PSG4: variants seen among roughly 807,000 people sequenced by gnomAD.
PSG4 encodes pregnancy specific beta-1-glycoprotein 4.
Under a neutral mutation model 44.3 loss-of-function variants are expected in PSG4, and 61 were observed. That is an observed-to-expected ratio of 1.38 (90% CI 1.12 to 1.70). The LOEUF (loss-of-function observed/expected upper bound fraction) is 1.70. Among genes scored for constraint, PSG4 ranks in the 40% most tolerant of loss-of-function variants. The pLI is 0.00. For missense variants in PSG4, 677 were observed against 511.7 expected (o/e 1.32, Z -3.12); for synonymous variants, 248 against 191.3 (o/e 1.30, Z -2.45).
At chr19:43,199,151 A>G (rs906459633) in intron 2 of PSG4, among the ~76,000 whole-genome samples, 4 of 146,120 alleles carry the variant, frequency 2.7e-5, no homozygotes, top group Non-Finnish European at 5.9e-5. Flanking sequence ...CTCATGGACC[A>G]TATGCGTTTG....
rs377642381 is a variant in PSG4 at position 43,194,530 on chromosome 19, G to C, written c.1053C>G (p.Tyr351Ter). ...GGTTAGACTCGGCGAAGCAGGACAA[G>C]TAGAGGTTTTCTCCTGAACGGTAAT... ...FTYYRSGENL[Y>*]LSCFAESNPR... Residue 351 changes from tyrosine to a stop codon, truncating the protein, a stop_gained, in exon 5 of 6, where the codon TAC becomes TAG. Transcript: ENST00000405312. LOFTEE classifies it high-confidence loss of function. The C allele has an allele frequency of 5.6e-6, 9 of 1,612,586 alleles. No individual in the cohort carries two copies. In the East Asian group the frequency reaches 1.6e-4, roughly 28 times the overall value.
At position 43,197,008 on chromosome 19, in the gene PSG4, C is replaced by G. The variant is rs571390026; in HGVS notation, c.709+989G>C. 9.5e-5 allele frequency among the ~76,000 whole-genome samples: 14 copies of G among 146,668 alleles called. 2 individuals are homozygous for G. The highest frequency in any genetic ancestry group is 3.6e-4 in the African/African-American group (14 of 38,638). ...CATATATTGATATCGTCTTTAATTT[C>G]TTTCAGCAATGTTTTGTAGTTTTCA... On this transcript the variant is annotated intron_variant, in intron 3 of 5. Coordinates refer to ENST00000405312, the MANE Select transcript of PSG4 (RefSeq NM_002780.5).
rs1176978405 is a variant in PSG4, at chr19:43,196,234, T to C, written c.710-961A>G. Reference sequence around the variant, plus strand: ...TTCATTGGACATTCTACTCTCTGATTCCCTGGGTTCGACTACTCTAGGGAC... The same window carrying C: ...TTCATTGGACATTCTACTCTCTGATCCCCTGGGTTCGACTACTCTAGGGAC... On this transcript the variant is annotated intron_variant, in intron 3 of 5. Transcript: ENST00000405312. Among the ~76,000 whole-genome samples, 70 of 150,076 alleles carry C rather than the reference T, an allele frequency of 4.7e-4. 3 individuals carry two copies. Among genetic ancestry groups the C allele is most frequent in the Middle Eastern group, 7.0e-3 (2 of 286 alleles).
intron 3 of PSG4, 44 bp downstream of exon 3, chr19:43,197,952 AT>A: frequency 1.3e-6 from 2 of 1,586,390 alleles, no homozygotes; most frequent in Non-Finnish European, 8.5e-7. Context: ...GGCCATGTGT[AT>A]TTGGGATGGC....
At chr19:43,203,820 C>T in intron 2 of PSG4, 66 bp downstream of exon 2, 1 of 1,559,092 alleles carries the variant, frequency 6.4e-7, no homozygotes, top group Non-Finnish European at 8.7e-7. Context: ...GCCTGAGAAT[C>T]CTGTGTGTGT....
In PSG4 at chr19:43,192,815, A is replaced by G. The variant is rs1438975030; in HGVS notation, c.*557T>C. ...TCCACACAATGTGCATTTAAAGGAG[A>G]CTCTACTATAATTTCAGCTTTCCTA... is the stretch of plus-strand genomic sequence containing the variant. On this transcript the variant is annotated 3_prime_UTR_variant, in exon 6 of 6. Coordinates refer to ENST00000405312, the MANE Select transcript of PSG4 (RefSeq NM_002780.5). The G allele has an allele frequency of 1.4e-5, 3 of 207,670 alleles. No homozygotes were observed. Among genetic ancestry groups the G allele is most frequent in the African/African-American group, 2.3e-5 (1 of 43,088 alleles). 12.9% of individuals were successfully genotyped at this position (207,670 alleles called of 1,614,324 possible).
chr19:43,205,144 G>T (rs188089178), intron 1 of PSG4, among the ~76,000 whole-genome samples: 1 of 92,210 alleles, frequency 1.1e-5, no homozygotes, highest in Non-Finnish European at 1.9e-5. Flanking sequence ...GTCTCGTCCT[G>T]TCACCCAGGC....
At chr19:43,201,190 C>T (rs1280553890) in intron 2 of PSG4, among the ~76,000 whole-genome samples, 1 of 145,710 alleles carries the variant, frequency 6.9e-6, no homozygotes, top group Non-Finnish European at 1.5e-5. Flanking sequence ...CGTTCCTGGG[C>T]ATAGGCCAGG....
intron 2 of PSG4, among the ~76,000 whole-genome samples, chr19:43,202,327 A>G (rs368065533): frequency 7.2e-6 from 1 of 139,842 alleles, no homozygotes; most frequent in South Asian, 2.2e-4. Flanking sequence ...CAAGGAGCCC[A>G]GAGAACCCTC....
In PSG4 at chr19:43,203,969, T is replaced by A; in HGVS notation, c.347A>T (p.Asp116Val). 1 of 1,587,702 alleles carries A rather than the reference T, an allele frequency of 6.3e-7. No homozygotes were observed. Among genetic ancestry groups the A allele is most frequent in the Non-Finnish European group, 8.5e-7 (1 of 1,171,664 alleles). Reference protein sequence around the residue: ...SLLIQNVTQEDAGSYTLHIIK... With the variant: ...SLLIQNVTQEVAGSYTLHIIK... ...GATGTGTAAGGTGTAGGATCCTGCA[T>A]CCTCCTGCGTGACATTCTGGATCAG... Residue 116 changes from aspartate (D) to valine (V), a missense_variant, in exon 2 of 6, where the codon GAT (aspartate) becomes GTT (valine). Transcript: ENST00000405312.
chr19:43,194,874 C>T (rs900680986), intron 4 of PSG4, 121 bp downstream of exon 4: 13 of 1,534,536 alleles, frequency 8.5e-6, no homozygotes, highest in Admixed American at 4.1e-5. Context: ...GTCATGGCCA[C>T]CTCGGATGTC....
chr19:43,193,446 G>A (rs573946213), intron 5 of PSG4, 58 bp from the exon 6 acceptor site: 1 of 764,996 alleles, frequency 1.3e-6, no homozygotes, highest in East Asian at 2.4e-5. Flanking sequence ...CTCATAACCG[G>A]TGTACTACAG....
At chr19:43,197,960 T>G (rs1432551008) in intron 3 of PSG4, 37 bp downstream of exon 3, 2 of 1,587,100 alleles carry the variant, frequency 1.3e-6, no homozygotes, top group South Asian at 2.2e-5. Flanking sequence ...GTATTTGGGA[T>G]GGCAGCCTGG....
rs1967081795 is a variant in PSG4 at position 43,193,050 on chromosome 19, G to A, written c.*322C>T. 3.4e-6 allele frequency: 2 copies of A among 586,778 alleles called. No individual in the cohort carries two copies. The highest frequency in any genetic ancestry group is 6.1e-6 in the Non-Finnish European group (2 of 329,756). 36.3% of individuals were successfully genotyped at this position (586,778 alleles called of 1,614,324 possible). A position where few individuals can be genotyped will look rare whatever the true frequency, so the allele number is the denominator to read the frequency against. ...TCTAATGACTGCATTATCCTGCCAA[G>A]TGAAAGAGGCAGGCATGAGCAAGGA... is the stretch of plus-strand genomic sequence containing the variant. On this transcript the variant is annotated 3_prime_UTR_variant, in exon 6 of 6. Transcript: ENST00000405312.
chr19:43,201,584 T>G lies in PSG4; in HGVS notation c.430+2302A>C, dbSNP rs1392922013. 3.4e-5 allele frequency among the ~76,000 whole-genome samples: 5 copies of G among 144,970 alleles called. 1 individual carries two copies. The highest frequency in any genetic ancestry group is 7.4e-5 in the Non-Finnish European group (5 of 67,138). On this transcript the variant is annotated intron_variant, in intron 2 of 5. Coordinates refer to ENST00000405312, the MANE Select transcript of PSG4 (RefSeq NM_002780.5). ...CATGTGGTCCCTACCTAGAGGCAGA[T>G]TCAAGCACAAACAGATCATTTCCCT...
chr19:43,204,485 C>G lies in PSG4; in HGVS notation c.65-234G>C, dbSNP rs1234945882. 2.6e-5 allele frequency: 16 copies of G among 614,808 alleles called. 2 individuals carry two copies. Among genetic ancestry groups the G allele is most frequent in the Admixed American group, 3.6e-5 (1 of 27,680 alleles). 38.1% of individuals were successfully genotyped at this position (614,808 alleles called of 1,614,324 possible). On this transcript the variant is annotated intron_variant, in intron 1 of 5. Transcript: ENST00000405312. ...CAACACTTCTGACCTTGGCATTTTT[C>G]TTTTTGGATTCCTCTTCCCCAGGGG...
intron 1 of PSG4, chr19:43,204,896 G>C (rs1291780323): frequency 5.3e-6 from 2 of 380,208 alleles, no homozygotes; most frequent in Admixed American, 3.3e-5. Flanking sequence ...ATTTTCATTT[G>C]AAGTGTCATC....
intron 2 of PSG4, among the ~76,000 whole-genome samples, chr19:43,201,157 G>C (rs1427669446): frequency 2.7e-5 from 4 of 145,770 alleles, no homozygotes; most frequent in Non-Finnish European, 4.5e-5. Flanking sequence ...CTGGCATCTA[G>C]TCTCAGGCTG....
In PSG4 at chr19:43,197,698, C is replaced by T. The variant is rs929889738; in HGVS notation, c.709+299G>A. 2.9e-5 allele frequency: 15 copies of T among 518,678 alleles called. 1 individual carries two copies. Among genetic ancestry groups the T allele is most frequent in the Middle Eastern group, 5.3e-4 (1 of 1,874 alleles). The allele number at this position is 518,678 out of a possible 1,614,324, so 32.1% of individuals were successfully genotyped here. A position where few individuals can be genotyped will look rare whatever the true frequency, so the allele number is the denominator to read the frequency against. On this transcript the variant is annotated intron_variant, in intron 3 of 5. Coordinates refer to ENST00000405312, the MANE Select transcript of PSG4 (RefSeq NM_002780.5). ...TGACCCTGTGAGCCAAGTCGCAACA[C>T]TGAAGTCCCAGCCAAATCCCCGCTG...
Sources: gnomAD v4.1 joint callset for allele counts (sites outside exome capture counted in the v4.1 genomes callset) on GRCh38, gnomAD v4.1.1 for gene constraint, MANE v1.5 for transcripts, NCBI Gene and HGNC (gene_info 2026-07-23, HGNC 2026-07-21) for gene names.